Variants in ANKRD18B observed in about 807,000 individuals in gnomAD.
ANKRD18B encodes ankyrin repeat domain-containing protein 18B.
Under a neutral mutation model 111.8 loss-of-function variants are expected in ANKRD18B, and 75 were observed. That is an observed-to-expected ratio of 0.67 (90% confidence interval 0.56 to 0.81). The LOEUF (loss-of-function observed/expected upper bound fraction) is 0.81, where lower values mean the gene tolerates loss of function less well. Among genes scored for constraint, ANKRD18B ranks in the 40% least tolerant of loss-of-function variants. The pLI is 0.00. For missense variants in ANKRD18B, 1,038 were observed against 1,225.5 expected, an observed-to-expected ratio of 0.85 and a Z score of 2.28; for synonymous variants, 356 against 417.3, an observed-to-expected ratio of 0.85 and a Z score of 1.79.
Position 33,552,469 on chromosome 9 carries a change from G to A in ANKRD18B, c.2217+1890G>A, listed in dbSNP as rs556302831. On this transcript the variant is annotated intron_variant, in intron 12 of 18. Transcript: ENST00000684830. ...GGGAGGGAATTGATTCAGAAGACTT[G>A]ATTTAGCAATAGAGTCCAGGGTTTT... 7.2e-5 allele frequency among the ~76,000 whole-genome samples: 11 copies of A among 152,280 alleles called. No homozygotes were observed. In the Middle Eastern group the frequency reaches 0.01, roughly 141 times the overall value.
Position 33,548,281 on chromosome 9 carries a change from C to T in ANKRD18B, c.1493C>T (p.Ala498Val). ...GTTGAATCCCTCCATTCTAACTTGG[C>T]CACTGCTATAAATGAGTACAATGAA... ...AEVESLHSNL[A>V]TAINEYNEIL... Residue 498 changes from alanine to valine, a missense_variant, in exon 11 of 19, where the codon GCC becomes GTC. Physicochemically the swap from Ala to Val is moderately conservative, Grantham distance 64. Transcript: ENST00000684830. The T allele has an allele frequency of 1.3e-6, 2 of 1,551,034 alleles. No individual in the cohort carries two copies. The highest frequency in any genetic ancestry group is 1.7e-6 in the Non-Finnish European group (2 of 1,146,656).
At chr9:33,557,246 CATTAAAG>C (rs1342350092) in intron 13 of ANKRD18B, among the ~76,000 whole-genome samples, 1 of 152,122 alleles carries the variant, frequency 6.6e-6, no homozygotes, top group Non-Finnish European at 1.5e-5. Flanking sequence ...TCAATTCAGA[CATTAAAG>C]ATGTTTTCTT....
intron 10 of ANKRD18B, among the ~76,000 whole-genome samples, chr9:33,546,660 G>C (rs527665): frequency 3.3e-5 from 5 of 152,046 alleles, no homozygotes; most frequent in African/African-American, 9.7e-5. Context: ...TTTATTTGAC[G>C]AATTGGATGT....
At chr9:33,524,827 A>G (rs1388674671) in intron 1 of ANKRD18B, 132 bp downstream of exon 1, 25 of 1,128,292 alleles carry the variant, frequency 2.2e-5, no homozygotes, top group Non-Finnish European at 3.1e-5. Flanking sequence ...GCTGCTTTCC[A>G]TCGCTGGGAA....
chr9:33,556,332 T>C (rs529460), intron 13 of ANKRD18B, among the ~76,000 whole-genome samples: 59,432 of 148,984 alleles, frequency 0.4, 12,614 homozygotes, highest in Non-Finnish European at 0.48. Context: ...GACGTGATCT[T>C]GGCTCACTGC....
intron 13 of ANKRD18B, among the ~76,000 whole-genome samples, chr9:33,557,355 T>G (rs1440195121): frequency 6.6e-6 from 1 of 152,246 alleles, no homozygotes; most frequent in African/African-American, 2.4e-5. Context: ...CAAAATTTAT[T>G]TTTGTGTCTT....
intron 12 of ANKRD18B, among the ~76,000 whole-genome samples, chr9:33,554,078 A>AT (rs1360549436): frequency 1.3e-5 from 2 of 151,924 alleles, no homozygotes; most frequent in East Asian, 3.9e-4. Context: ...TCTCAAAAAA[A>AT]AAATAAATAA....
chr9:33,552,377 A>C (rs1413375705), intron 12 of ANKRD18B, among the ~76,000 whole-genome samples: 1 of 152,340 alleles, frequency 6.6e-6, no homozygotes, highest in South Asian at 2.1e-4. Flanking sequence ...GATGAAGGAC[A>C]GCACAGCTCC....
intron 3 of ANKRD18B, among the ~76,000 whole-genome samples, chr9:33,529,685 G>T (rs1042113214): frequency 1.3e-5 from 2 of 152,180 alleles, no homozygotes; most frequent in Non-Finnish European, 2.9e-5. Context: ...CCAAGAATAG[G>T]TTTTGTTTTT....
chr9:33,554,181 AAAAG>A (rs200436620), intron 12 of ANKRD18B, among the ~76,000 whole-genome samples: 114 of 151,202 alleles, frequency 7.5e-4, no homozygotes, highest in Admixed American at 1.7e-3. Flanking sequence ...GAAAGAAGGA[AAAAG>A]AAAGAAAGAA....
chr9:33,564,197 T>A (rs569027006), intron 14 of ANKRD18B, among the ~76,000 whole-genome samples: 1 of 152,364 alleles, frequency 6.6e-6, no homozygotes, highest in East Asian at 1.9e-4. Context: ...TGGCTTCAAG[T>A]GATTCTCCTG....
At chr9:33,568,250 T>A (rs1222784453) in intron 16 of ANKRD18B, among the ~76,000 whole-genome samples, 2 of 152,248 alleles carry the variant, frequency 1.3e-5, no homozygotes, top group African/African-American at 2.4e-5. Flanking sequence ...TGTTTTCATA[T>A]AATTATTTAT....
chr9:33,572,105 G>A, intron 18 of ANKRD18B: 1 of 557,222 alleles, frequency 1.8e-6, no homozygotes, highest in Non-Finnish European at 3.2e-6. Context: ...TTGAGTGCAT[G>A]AATGAAGAAT....
At position 33,551,428 on chromosome 9, in the gene ANKRD18B, G is replaced by C. The variant is rs570637006; in HGVS notation, c.2217+849G>C. Reference sequence around the variant, plus strand: ...ACTCCATGTCTCTCCACCTACCCCAGTTGTAGGCAACCACCATCCACTTTT... The same window carrying C: ...ACTCCATGTCTCTCCACCTACCCCACTTGTAGGCAACCACCATCCACTTTT... On this transcript the variant is annotated intron_variant, in intron 12 of 18. Coordinates refer to ENST00000684830, the MANE Select transcript of ANKRD18B (RefSeq NM_001393611.1). Among the ~76,000 whole-genome samples, 5 of 152,258 alleles carry C rather than the reference G, an allele frequency of 3.3e-5. No individual in the cohort carries two copies. In the East Asian group the frequency reaches 9.6e-4, roughly 29 times the overall value.
chr9:33,557,956 A>G (rs1183096520), intron 13 of ANKRD18B, 102 bp from the exon 14 acceptor site: 1 of 1,096,930 alleles, frequency 9.1e-7, no homozygotes, highest in East Asian at 2.7e-5. Context: ...CATAGTTTAT[A>G]GATTTGTTTC....
At chr9:33,563,346 T>G (rs1263455090) in intron 14 of ANKRD18B, among the ~76,000 whole-genome samples, 1 of 152,204 alleles carries the variant, frequency 6.6e-6, no homozygotes, top group Non-Finnish European at 1.5e-5. Context: ...TCAGCTTCCC[T>G]AGGAAGTTGG....
chr9:33,575,355 G>C (rs1828847549), downstream of ANKRD18B, among the ~76,000 whole-genome samples: 2 of 152,198 alleles, frequency 1.3e-5, no homozygotes, highest in Admixed American at 6.5e-5. Context: ...GAAGAAGCCA[G>C]GGCAGCATGC....
At chr9:33,535,593 TAC>T (rs1828185882) in intron 5 of ANKRD18B, among the ~76,000 whole-genome samples, 1 of 151,042 alleles carries the variant, frequency 6.6e-6, no homozygotes, top group African/African-American at 2.4e-5. Context: ...GGCCCACAGC[TAC>T]AGTGTTTCCA....
intron 18 of ANKRD18B, chr9:33,571,783 A>C (rs1389199342): frequency 6.5e-6 from 1 of 154,714 alleles, no homozygotes; most frequent in African/African-American, 2.4e-5. Context: ...AGAACTCCGC[A>C]GGGCTCTTTG....
Sources: allele counts gnomAD v4.1 joint callset (sites outside exome capture counted in the v4.1 genomes callset), GRCh38; gene constraint gnomAD v4.1.1; transcripts MANE v1.5; gene names NCBI Gene and HGNC (gene_info 2026-07-23, HGNC 2026-07-21).